Variants in PRKCA observed in about 807,000 individuals in gnomAD.
PRKCA encodes protein kinase C alpha type.
In PRKCA, 27 loss-of-function variants were observed where a neutral mutation model predicts 87.0. That is an observed-to-expected ratio of 0.31 (90% CI 0.23 to 0.43). PRKCA has a LOEUF of 0.43. Ranked by LOEUF, PRKCA falls within the 20% of genes least tolerant of loss-of-function variation. The pLI is 1.00. For missense variants in PRKCA, 518 were observed against 852.3 expected (o/e 0.61, Z 4.88); for synonymous variants, 329 against 311.1 (o/e 1.06, Z -0.61).
chr17:66,531,733 G>A (rs576050230), intron 3 of PRKCA, among the ~76,000 whole-genome samples: 9 of 152,278 alleles, frequency 5.9e-5, no homozygotes, highest in African/African-American at 1.2e-4. Context: ...CACCTGTGTC[G>A]TGTATTATTG....
chr17:66,396,138 A>G (rs1424043677), intron 2 of PRKCA, among the ~76,000 whole-genome samples: 1 of 151,532 alleles, frequency 6.6e-6, no homozygotes, highest in Non-Finnish European at 1.5e-5. Context: ...TCTCTCACCT[A>G]CTCAGTCTTT....
intron 8 of PRKCA, among the ~76,000 whole-genome samples, chr17:66,699,526 C>G (rs1973011501): frequency 6.6e-6 from 1 of 152,150 alleles, no homozygotes; most frequent in Non-Finnish European, 1.5e-5. Flanking sequence ...GGAGGTGGAA[C>G]CAGTTATCAA....
At chr17:66,580,678 G>A (rs895509192) in intron 3 of PRKCA, among the ~76,000 whole-genome samples, 3 of 152,252 alleles carry the variant, frequency 2.0e-5, no homozygotes, top group Admixed American at 1.3e-4. Context: ...GTCAGTGTGC[G>A]GTAAAGTGGG....
chr17:66,377,699 TTTTATA>T lies in PRKCA; in HGVS notation c.205+71574_205+71579del, dbSNP rs1450451930. On this transcript the variant is annotated intron_variant, in intron 2 of 16. Transcript: ENST00000413366. ...CTATTATATATATATAAAGTCTATG[TTTTATA>T]TATATATATATATATATTTTTTTTT... Among the ~76,000 whole-genome samples, 291 of 48,760 alleles carry T rather than the reference TTTTATA, an allele frequency of 6.0e-3. 7 individuals are homozygous for T. Among genetic ancestry groups the T allele is most frequent in the Admixed American group, 9.9e-3 (31 of 3,146 alleles). 32.0% of individuals were successfully genotyped at this position (48,760 alleles called of 152,430 possible). A position where few individuals can be genotyped will look rare whatever the true frequency, so the allele number is the denominator to read the frequency against.
Position 66,732,804 on chromosome 17 carries a change from G to A in PRKCA, c.1035G>A (p.Leu345=), listed in dbSNP as rs766076088. The change falls in exon 9 of 17, where the codon TTG becomes TTA. Residue 345 remains leucine, a synonymous_variant. Coordinates refer to ENST00000413366, the MANE Select transcript of PRKCA (RefSeq NM_002737.3). The part of the protein sequence containing the change: ...KLTDFNFLMV[L]GKGSFGKVML... ...CGGACTTCAATTTCCTCATGGTGTTGGGAAAGGGGAGTTTTGGAAAGGTAA... is the reference window on the plus strand; with the variant it reads ...CGGACTTCAATTTCCTCATGGTGTTAGGAAAGGGGAGTTTTGGAAAGGTAA... 8 of 1,613,912 alleles carry A rather than the reference G, an allele frequency of 5.0e-6. No individual in the cohort carries two copies. The African/African-American group carries it at 9.3e-5, about 19-fold the overall frequency.
chr17:66,635,414 T>TG (rs1173975596), intron 3 of PRKCA, among the ~76,000 whole-genome samples: 5 of 152,218 alleles, frequency 3.3e-5, no homozygotes, highest in African/African-American at 1.2e-4. Context: ...CAATCCCTCA[T>TG]GGCCCAGGCT....
chr17:66,732,875 G>A (rs199927709), intron 9 of PRKCA, 50 bp downstream of exon 9: 16 of 1,586,870 alleles, frequency 1.0e-5, no homozygotes, highest in African/African-American at 1.4e-5. Context: ...AGAGAATGTC[G>A]AATCAGTTTT....
intron 3 of PRKCA, among the ~76,000 whole-genome samples, chr17:66,587,493 TATG>T (rs1455635529): frequency 3.3e-5 from 5 of 152,050 alleles, no homozygotes; most frequent in Non-Finnish European, 5.9e-5. Flanking sequence ...ACTTGTTATA[TATG>T]ATGACAGTAA....
At chr17:66,751,661 A>G (rs9895088) in intron 13 of PRKCA, among the ~76,000 whole-genome samples, 5,383 of 152,256 alleles carry the variant, frequency 0.035, 323 homozygotes, top group African/African-American at 0.12. Context: ...TGAGATGAGC[A>G]GGGTCCTATA....
chr17:66,723,923 C>T (rs1598898308), intron 8 of PRKCA, among the ~76,000 whole-genome samples: 1 of 152,140 alleles, frequency 6.6e-6, no homozygotes, highest in South Asian at 2.1e-4. Context: ...GAGTTGCCCA[C>T]TGGTTTTATA....
rs145121663 is a variant in PRKCA, at chr17:66,735,625, C to T, written c.1193C>T (p.Pro398Leu). Residue 398 changes from proline (P) to leucine (L), a missense_variant, in exon 10 of 17, where the codon CCG becomes CTG. By Grantham distance (98) the Pro-to-Leu change is moderately conservative. Around this residue, in one of 5 missense-constraint regions of PRKCA, gnomAD observed 300 missense variants for 496.8 expected, o/e 0.60. Transcript: ENST00000413366. ...GTCTTGGCCCTGCTTGACAAACCCC[C>T]GTTCTTGACGCAGCTGCACTCCTGC... ...KRVLALLDKPPFLTQLHSCFQ... is the reference protein window; with the variant it reads ...KRVLALLDKPLFLTQLHSCFQ... The T allele has an allele frequency of 3.9e-5, 63 of 1,614,042 alleles. No homozygotes were observed. The highest frequency in any genetic ancestry group is 2.8e-4 in the African/African-American group (21 of 74,930).
chr17:66,798,413 A>ACGGTGGTGGTGGTGATGG (rs1975729602), intron 16 of PRKCA, among the ~76,000 whole-genome samples: 2 of 51,766 alleles, frequency 3.9e-5, no homozygotes, highest in Non-Finnish European at 7.4e-5. Flanking sequence ...GGTGATGGTG[A>ACGGTGGTGGTGGTGATGG]TGGTGGTGGT....
intron 8 of PRKCA, among the ~76,000 whole-genome samples, chr17:66,711,131 C>T (rs1172748431): frequency 1.3e-5 from 2 of 152,156 alleles, no homozygotes; most frequent in African/African-American, 2.4e-5. Context: ...AAGTTCAAGT[C>T]TGTATTGAAA....
intron 2 of PRKCA, among the ~76,000 whole-genome samples, chr17:66,367,843 AGT>A (rs2143514629): frequency 6.6e-6 from 1 of 152,362 alleles, no homozygotes; most frequent in African/African-American, 2.4e-5. Flanking sequence ...ACAAACCTAA[AGT>A]GAACAGGTGA....
At chr17:66,733,767 G>C (rs902203554) in intron 9 of PRKCA, among the ~76,000 whole-genome samples, 3 of 152,160 alleles carry the variant, frequency 2.0e-5, no homozygotes, top group African/African-American at 7.2e-5. Flanking sequence ...ACTCCAGCCT[G>C]GGCAACAGAG....
chr17:66,738,676 T>A, intron 10 of PRKCA, 88 bp from the exon 11 acceptor site: 1 of 1,037,534 alleles, frequency 9.6e-7, no homozygotes, highest in Non-Finnish European at 1.5e-6. Flanking sequence ...ATTTAACTAA[T>A]GAGAAAGCAA....
intron 2 of PRKCA, among the ~76,000 whole-genome samples, chr17:66,446,647 G>C (rs1914053511): frequency 6.6e-6 from 1 of 152,194 alleles, no homozygotes; most frequent in African/African-American, 2.4e-5. Flanking sequence ...TGCTGCTTGT[G>C]ATGAGAGGGG....
intron 2 of PRKCA, among the ~76,000 whole-genome samples, chr17:66,409,128 G>A (rs1032805135): frequency 6.6e-6 from 1 of 150,998 alleles, no homozygotes; most frequent in African/African-American, 2.4e-5. Context: ...GTTACCTCTT[G>A]TAAGTAAAGG....
In PRKCA at chr17:66,803,835, T is replaced by C. The variant is rs181058579; in HGVS notation, c.1855-38T>C. The stretch of plus-strand genomic sequence containing the variant: ...GGAGAGCTGCTCCCGCATTGTCATG[T>C]TGACTGACCTTTCCTTCTTTTTGTC... On this transcript the variant is annotated intron_variant, in intron 16 of 16. Coordinates refer to ENST00000413366, the MANE Select transcript of PRKCA (RefSeq NM_002737.3). The surrounding 1 kb of genome is among the most constrained non-coding windows in gnomAD (Gnocchi z 4.4). The C allele has an allele frequency of 2.0e-4, 315 of 1,606,004 alleles. 1 individual carries two copies. In the African/African-American group the frequency reaches 3.9e-3, roughly 20 times the overall value.
Sources: allele counts gnomAD v4.1 joint callset (sites outside exome capture counted in the v4.1 genomes callset), GRCh38; gene constraint gnomAD v4.1.1; regional missense constraint gnomAD v4.1.1; non-coding constraint Gnocchi (gnomAD v3.1); transcripts MANE v1.5; gene names NCBI Gene and HGNC (gene_info 2026-07-23, HGNC 2026-07-21).